Variants in ALPK2 observed in about 807,000 individuals in gnomAD.
ALPK2 encodes the protein alpha-protein kinase 2.
A neutral mutation model predicts 163.1 loss-of-function variants in ALPK2; 127 were observed. The ratio of observed to expected loss-of-function variants is 0.78; its 90% CI spans 0.67 to 0.90. ALPK2 has a LOEUF of 0.90. ALPK2 is among the 40% of genes least tolerant of loss of function. The pLI is 0.00. For synonymous variants in ALPK2, 953 were observed against 959.1 expected, an observed-to-expected ratio of 0.99 and a Z score of 0.12; for missense variants, 2,360 against 2,589.6, an observed-to-expected ratio of 0.91 and a Z score of 1.92.
At chr18:58,606,012 G>C (rs2052096169) in intron 3 of ALPK2, among the ~76,000 whole-genome samples, 1 of 152,226 alleles carries the variant, frequency 6.6e-6, no homozygotes, top group South Asian at 2.1e-4. Context: ...TGTTAGGCTA[G>C]ATATGCTGTA....
In ALPK2 at chr18:58,504,132, G is replaced by GA. The variant is rs1486322325; in HGVS notation, c.6045dup (p.Leu2016SerfsTer6). On this transcript the variant is annotated frameshift_variant, in exon 11 of 13. Coordinates refer to ENST00000361673, the MANE Select transcript of ALPK2 (RefSeq NM_052947.4). LOFTEE classifies it high-confidence loss of function. ...ATATTGTTCTCAGGCCGATGGATAA[G>GA]AAAAATAGGAATGATCCTGGCAGGG... 6.2e-7 allele frequency: 1 copy of GA among 1,614,034 alleles called. No homozygotes were observed. The highest frequency in any genetic ancestry group is 1.1e-5 in the South Asian group (1 of 91,074).
intron 10 of ALPK2, among the ~76,000 whole-genome samples, chr18:58,508,134 C>T (rs1355170252): frequency 6.6e-6 from 1 of 152,118 alleles, no homozygotes; most frequent in Non-Finnish European, 1.5e-5. Context: ...TGCAAGAGGA[C>T]AATTTAGTCT....
chr18:58,514,489 A>G (rs1317037970), intron 10 of ALPK2, among the ~76,000 whole-genome samples: 2 of 152,248 alleles, frequency 1.3e-5, no homozygotes, highest in African/African-American at 4.8e-5. Flanking sequence ...AGAGCAGATA[A>G]AAGTGGGTGT....
At chr18:58,609,577 T>TC (rs2052116960) in intron 2 of ALPK2, among the ~76,000 whole-genome samples, 1 of 152,194 alleles carries the variant, frequency 6.6e-6, no homozygotes, top group South Asian at 2.1e-4. Context: ...CTGATTGATT[T>TC]CCCCCAGTTT....
intron 10 of ALPK2, among the ~76,000 whole-genome samples, chr18:58,507,272 G>A (rs1156510892): frequency 3.3e-5 from 5 of 152,224 alleles, no homozygotes; most frequent in Admixed American, 2.0e-4. Context: ...AGCTATAACA[G>A]AGACCTATGC....
intron 4 of ALPK2, among the ~76,000 whole-genome samples, chr18:58,555,173 C>T (rs2051783643): frequency 6.6e-6 from 1 of 152,224 alleles, no homozygotes; most frequent in Admixed American, 6.5e-5. Context: ...GGTGGGAACA[C>T]AGAAAACTGC....
intron 4 of ALPK2, among the ~76,000 whole-genome samples, chr18:58,568,911 C>G (rs1020963618): frequency 1.3e-5 from 2 of 152,048 alleles, no homozygotes; most frequent in Non-Finnish European, 2.9e-5. Flanking sequence ...TACCAAGAGA[C>G]AAGTCTATTT....
At chr18:58,495,217 T>C (rs2051395498) in intron 12 of ALPK2, among the ~76,000 whole-genome samples, 2 of 152,236 alleles carry the variant, frequency 1.3e-5, no homozygotes, top group African/African-American at 2.4e-5. Context: ...GATTGTAAGA[T>C]ATATTTCTTT....
At chr18:58,613,712 AATAAT>A (rs1568101772) in intron 1 of ALPK2, among the ~76,000 whole-genome samples, 2,371 of 44,864 alleles carry the variant, frequency 0.053, 113 homozygotes, top group African/African-American at 0.14. Flanking sequence ...AAAAAAAAAT[AATAAT>A]AATAATAATA....
chr18:58,559,120 T>C (rs1306813476), intron 4 of ALPK2, among the ~76,000 whole-genome samples: 1 of 152,250 alleles, frequency 6.6e-6, no homozygotes, highest in Non-Finnish European at 1.5e-5. Flanking sequence ...TTCCCAACTG[T>C]GATTAGTGAT....
intron 3 of ALPK2, among the ~76,000 whole-genome samples, chr18:58,586,098 A>T (rs1432195271): frequency 6.6e-6 from 1 of 152,232 alleles, no homozygotes; most frequent in African/African-American, 2.4e-5. Context: ...CATTTTATTA[A>T]ATAATACTTT....
chr18:58,602,855 A>G (rs1350149918), intron 3 of ALPK2, among the ~76,000 whole-genome samples: 4 of 152,206 alleles, frequency 2.6e-5, no homozygotes, highest in Non-Finnish European at 5.9e-5. Context: ...TGGCAATGAA[A>G]GTGACCTCTG....
chr18:58,582,793 T>TG (rs543819881), intron 3 of ALPK2, among the ~76,000 whole-genome samples: 149 of 151,242 alleles, frequency 9.9e-4, no homozygotes, highest in Non-Finnish European at 1.7e-3. Context: ...CATTTTGAAG[T>TG]GGGGGGTGGG....
chr18:58,613,469 C>T (rs577026762), intron 1 of ALPK2, among the ~76,000 whole-genome samples: 17 of 151,952 alleles, frequency 1.1e-4, no homozygotes, highest in Non-Finnish European at 5.9e-5. Flanking sequence ...CTGAGGCGGG[C>T]GGATCACAAG....
intron 8 of ALPK2, among the ~76,000 whole-genome samples, chr18:58,521,099 G>A (rs1334349186): frequency 1.3e-5 from 2 of 152,212 alleles, no homozygotes; most frequent in African/African-American, 2.4e-5. Context: ...TTCCCCAGCC[G>A]GGTGAGTCAG....
chr18:58,548,085 A>G (rs1203058622), intron 4 of ALPK2, among the ~76,000 whole-genome samples: 1 of 152,184 alleles, frequency 6.6e-6, no homozygotes, highest in Admixed American at 6.5e-5. Context: ...TGTCACGATT[A>G]CTACACTAGT....
At chr18:58,543,649 G>A (rs544969571) in intron 4 of ALPK2, among the ~76,000 whole-genome samples, 4 of 152,318 alleles carry the variant, frequency 2.6e-5, no homozygotes, top group South Asian at 2.1e-4. Context: ...GCCTTCTGCT[G>A]AGAAAGCGTA....
intron 1 of ALPK2, among the ~76,000 whole-genome samples, chr18:58,623,420 A>G (rs971337454): frequency 6.6e-5 from 10 of 152,100 alleles, no homozygotes; most frequent in African/African-American, 2.4e-4. Flanking sequence ...ATCACATCCA[A>G]TAAAAAGGGC....
chr18:58,604,876 T>C (rs1449059338), intron 3 of ALPK2, among the ~76,000 whole-genome samples: 1 of 152,212 alleles, frequency 6.6e-6, no homozygotes, highest in African/African-American at 2.4e-5. Flanking sequence ...TTGTATACCT[T>C]CTGCTTTGAC....
Sources: gnomAD v4.1 joint callset for allele counts (sites outside exome capture counted in the v4.1 genomes callset) on GRCh38, gnomAD v4.1.1 for gene constraint, MANE v1.5 for transcripts, NCBI Gene and HGNC (gene_info 2026-07-23, HGNC 2026-07-21) for gene names.